Variants in SGCZ observed in about 807,000 individuals in gnomAD.
SGCZ encodes the protein zeta-sarcoglycan.
SGCZ carries 40 observed loss-of-function variants against 41.3 expected under a neutral mutation model. That is an observed-to-expected ratio of 0.97 (90% confidence interval 0.75 to 1.26). The LOEUF (loss-of-function observed/expected upper bound fraction) is 1.26. Ranked by LOEUF, SGCZ falls within the 50% of genes most tolerant of loss-of-function variation. SGCZ has a pLI of 0.00. For missense variants in SGCZ, 552 were observed against 369.8 expected (o/e 1.49, Z -4.04); for synonymous variants, 206 against 137.5 (o/e 1.50, Z -3.49).
chr8:14,331,258 C>A (rs1312289068), intron 2 of SGCZ, among the ~76,000 whole-genome samples: 1 of 151,892 alleles, frequency 6.6e-6, no homozygotes, highest in Non-Finnish European at 1.5e-5. Context: ...ATTTAAACTT[C>A]ATTTTGCTAT....
chr8:14,233,884 T>C (rs1057386040), intron 4 of SGCZ, among the ~76,000 whole-genome samples: 3 of 151,960 alleles, frequency 2.0e-5, no homozygotes, highest in African/African-American at 7.2e-5. Context: ...TTGCTTTTTC[T>C]TCAAGGAGTC....
At chr8:14,184,693 A>G (rs1804847129) in intron 4 of SGCZ, among the ~76,000 whole-genome samples, 1 of 152,214 alleles carries the variant, frequency 6.6e-6, no homozygotes, top group African/African-American at 2.4e-5. Context: ...GTTTTGGACT[A>G]AAAACAGATA....
chr8:14,350,198 G>T (rs983636069), intron 2 of SGCZ, among the ~76,000 whole-genome samples: 1 of 151,458 alleles, frequency 6.6e-6, no homozygotes, highest in Non-Finnish European at 1.5e-5. Context: ...ACATTAATCT[G>T]TTTATGATGG....
chr8:14,898,944 T>C (rs1290220379), intron 1 of SGCZ, among the ~76,000 whole-genome samples: 1 of 152,130 alleles, frequency 6.6e-6, no homozygotes, highest in Non-Finnish European at 1.5e-5. Flanking sequence ...AATCAACAAA[T>C]AAATCCATGA....
chr8:14,147,077 G>C (rs1175372709), intron 5 of SGCZ, among the ~76,000 whole-genome samples: 1 of 151,714 alleles, frequency 6.6e-6, no homozygotes, highest in Non-Finnish European at 1.5e-5. Flanking sequence ...AATAGTATTT[G>C]CAAGCCTCAT....
chr8:14,092,197 A>G (rs1325812082), intron 7 of SGCZ, among the ~76,000 whole-genome samples: 1 of 152,014 alleles, frequency 6.6e-6, no homozygotes, highest in African/African-American at 2.4e-5. Flanking sequence ...TGGTACCAGG[A>G]CTATGCTGTT....
intron 4 of SGCZ, among the ~76,000 whole-genome samples, chr8:14,223,986 T>C (rs970893313): frequency 6.6e-6 from 1 of 152,178 alleles, no homozygotes; most frequent in South Asian, 2.1e-4. Context: ...CATTTTATGT[T>C]TAAGAAACGG....
intron 2 of SGCZ, among the ~76,000 whole-genome samples, chr8:14,446,146 A>C (rs766024978): frequency 7.9e-5 from 12 of 152,196 alleles, no homozygotes; most frequent in Non-Finnish European, 1.6e-4. Context: ...GCACTCAGGC[A>C]TATATACCAC....
At chr8:14,803,037 A>G (rs945147576) in intron 1 of SGCZ, among the ~76,000 whole-genome samples, 3 of 152,144 alleles carry the variant, frequency 2.0e-5, no homozygotes, top group African/African-American at 7.2e-5. Flanking sequence ...TCTTTAATCA[A>G]TCTGACCTTT....
intron 1 of SGCZ, among the ~76,000 whole-genome samples, chr8:14,666,684 CA>C (rs34262206): frequency 0.59 from 62,916 of 107,382 alleles, 15,642 homozygotes; most frequent in African/African-American, 0.76. Context: ...GTAGAATTTG[CA>C]AAAAAAAAAA....
At chr8:14,311,780 G>A (rs1376175293) in intron 3 of SGCZ, among the ~76,000 whole-genome samples, 1 of 143,062 alleles carries the variant, frequency 7.0e-6, no homozygotes, top group East Asian at 2.0e-4. Context: ...TAAAGTGAAT[G>A]TTCACTGAAA....
intron 1 of SGCZ, among the ~76,000 whole-genome samples, chr8:15,156,007 A>G (rs1799318886): frequency 7.0e-6 from 1 of 143,814 alleles, no homozygotes; most frequent in Non-Finnish European, 1.5e-5. Context: ...GCAGTGAGCC[A>G]AGATCGTGCC....
intron 1 of SGCZ, among the ~76,000 whole-genome samples, chr8:15,200,781 G>C (rs1303454051): frequency 6.6e-6 from 1 of 152,096 alleles, no homozygotes. Flanking sequence ...AACAAGCTAG[G>C]CCAAGACACA....
intron 2 of SGCZ, among the ~76,000 whole-genome samples, chr8:14,455,481 C>T (rs1386395953): frequency 1.4e-5 from 2 of 143,636 alleles, no homozygotes; most frequent in Non-Finnish European, 2.9e-5. Context: ...CACACACACA[C>T]ACACACACAC....
chr8:14,466,476 G>A (rs1027450367), intron 2 of SGCZ, among the ~76,000 whole-genome samples: 1 of 151,868 alleles, frequency 6.6e-6, no homozygotes, highest in African/African-American at 2.4e-5. Flanking sequence ...TATACTTGGA[G>A]CCACTGAGCT....
chr8:14,551,489 T>TATTA (rs1491418630), intron 2 of SGCZ, among the ~76,000 whole-genome samples: 1 of 6,258 alleles, frequency 1.6e-4, no homozygotes, highest in African/African-American at 4.5e-4. Flanking sequence ...ATTATATATA[T>TATTA]TATATATATT....
chr8:14,208,508 C>CA (rs1431296714), intron 4 of SGCZ, among the ~76,000 whole-genome samples: 1 of 152,162 alleles, frequency 6.6e-6, no homozygotes, highest in Non-Finnish European at 1.5e-5. Context: ...TTGTCAACCA[C>CA]ATTAACAATT....
At chr8:14,558,614 A>AGAGAGAGAG (rs1214772308) in intron 1 of SGCZ, among the ~76,000 whole-genome samples, 2 of 49,300 alleles carry the variant, frequency 4.1e-5, no homozygotes, top group Admixed American at 1.7e-4. Context: ...GAGAGAGAGA[A>AGAGAGAGAG]TCTTCCATAA....
intron 1 of SGCZ, among the ~76,000 whole-genome samples, chr8:14,616,574 T>A (rs894040719): frequency 1.3e-5 from 2 of 152,084 alleles, no homozygotes; most frequent in Admixed American, 6.6e-5. Flanking sequence ...ACCTAAAACA[T>A]CCCTGTCCAG....
Sources: allele counts gnomAD v4.1 joint callset (sites outside exome capture counted in the v4.1 genomes callset), GRCh38; gene constraint gnomAD v4.1.1; transcripts MANE v1.5; gene names NCBI Gene and HGNC (gene_info 2026-07-23, HGNC 2026-07-21).